Variants in GRID1 observed in about 807,000 individuals in gnomAD.
GRID1 encodes glutamate receptor ionotropic, delta-1.
Under a neutral mutation model 98.0 loss-of-function variants are expected in GRID1, and 28 were observed. The observed-to-expected ratio is 0.29, with a 90% CI of 0.21 to 0.39. The LOEUF (loss-of-function observed/expected upper bound fraction) is 0.39, where lower values mean the gene tolerates loss of function less well. Ranked by LOEUF, GRID1 falls within the 10% of genes least tolerant of loss-of-function variation. GRID1 has a pLI of 1.00. For synonymous variants in GRID1, 553 were observed against 538.5 expected (o/e 1.03, Z -0.37); for missense variants, 1,111 against 1,340.5 (o/e 0.83, Z 2.67).
At chr10:86,212,640 C>T (rs1454519965) in intron 2 of GRID1, among the ~76,000 whole-genome samples, 1 of 152,242 alleles carries the variant, frequency 6.6e-6, no homozygotes, top group East Asian at 1.9e-4. Context: ...TAATCTTAAC[C>T]TCCACGAGCA....
chr10:85,743,107 C>CCCA lies in GRID1; in HGVS notation c.1234-13494_1234-13493insTGG, dbSNP rs1490985790. On this transcript the variant is annotated intron_variant, in intron 8 of 15. Transcript: ENST00000327946. ...CCCTTGGAGGATAGAATTATGCAGC[C>CCCA]CCCCCCCCCACCACCCATTGAGAAC... is the stretch of plus-strand genomic sequence containing the variant. Among the ~76,000 whole-genome samples, 7 of 109,724 alleles carry CCCA rather than the reference C, an allele frequency of 6.4e-5. 1 individual carries two copies. The highest frequency in any genetic ancestry group is 5.4e-4 in the Admixed American group (6 of 11,078). The allele number at this position is 109,724 out of a possible 152,430, so 72.0% of individuals were successfully genotyped here.
intron 4 of GRID1, among the ~76,000 whole-genome samples, chr10:86,008,902 A>T (rs1300974531): frequency 6.6e-6 from 1 of 152,194 alleles, no homozygotes; most frequent in Non-Finnish European, 1.5e-5. Context: ...GTACAGCAGG[A>T]AGCAGCACAA....
intron 13 of GRID1, among the ~76,000 whole-genome samples, chr10:85,626,795 G>C (rs1456561242): frequency 6.6e-6 from 1 of 152,156 alleles, no homozygotes; most frequent in Non-Finnish European, 1.5e-5. Flanking sequence ...AGATTCAACA[G>C]TAAAAACCCA....
intron 5 of GRID1, among the ~76,000 whole-genome samples, chr10:85,891,680 C>A (rs1267652674): frequency 1.3e-5 from 2 of 152,092 alleles, no homozygotes; most frequent in African/African-American, 2.4e-5. Context: ...CTAAAGAGAT[C>A]TGCATAACAA....
At chr10:85,897,882 C>T (rs1192579889) in intron 5 of GRID1, among the ~76,000 whole-genome samples, 1 of 152,140 alleles carries the variant, frequency 6.6e-6, no homozygotes, top group Non-Finnish European at 1.5e-5. Flanking sequence ...CCCCAACCCC[C>T]CACTGTCACT....
At chr10:85,898,661 T>C (rs2131814060) in intron 5 of GRID1, among the ~76,000 whole-genome samples, 1 of 152,268 alleles carries the variant, frequency 6.6e-6, no homozygotes, top group Middle Eastern at 3.4e-3. Flanking sequence ...GGATCAACAA[T>C]ATCACTCTCT....
At position 85,914,300 on chromosome 10, in the gene GRID1, C is replaced by A. The variant is rs74439331; in HGVS notation, c.780+1886G>T. On this transcript the variant is annotated intron_variant, in intron 5 of 15. Transcript: ENST00000327946. Reference sequence around the variant, plus strand: ...TTTGAAGACTGGCAACAGAGAAACACTGGCTATCCAGTTTGGAGGATTCAT... The same window carrying A: ...TTTGAAGACTGGCAACAGAGAAACAATGGCTATCCAGTTTGGAGGATTCAT... Among the ~76,000 whole-genome samples, 1,333 of 152,318 alleles carry A rather than the reference C, an allele frequency of 8.8e-3. 20 individuals carry two copies. Among genetic ancestry groups the A allele is most frequent in the African/African-American group, 0.03 (1,238 of 41,560 alleles).
intron 2 of GRID1, among the ~76,000 whole-genome samples, chr10:86,310,197 C>T (rs1430625583): frequency 1.3e-5 from 2 of 152,232 alleles, no homozygotes; most frequent in African/African-American, 4.8e-5. Context: ...CTTCCTGGCC[C>T]CATCCCCAAG....
chr10:85,727,176 T>C (rs60714947), intron 10 of GRID1, among the ~76,000 whole-genome samples: 9,077 of 152,150 alleles, frequency 0.06, 513 homozygotes, highest in African/African-American at 0.15. Flanking sequence ...GGTCAAAGTA[T>C]TGGGAGTCCA....
intron 3 of GRID1, among the ~76,000 whole-genome samples, chr10:86,205,222 C>T (rs150314784): frequency 2.0e-5 from 3 of 152,350 alleles, no homozygotes; most frequent in East Asian, 1.9e-4. Context: ...TTCTTAGTTA[C>T]ATTCTTGGCA....
chr10:86,162,211 C>A (rs185954082), intron 3 of GRID1, among the ~76,000 whole-genome samples: 3 of 152,046 alleles, frequency 2.0e-5, no homozygotes, highest in Non-Finnish European at 4.4e-5. Flanking sequence ...GGGTGGTGTC[C>A]CAGGCAGCAA....
At chr10:86,221,154 G>A (rs763350930) in intron 2 of GRID1, among the ~76,000 whole-genome samples, 3 of 152,206 alleles carry the variant, frequency 2.0e-5, no homozygotes, top group Non-Finnish European at 2.9e-5. Flanking sequence ...GAGAGAAATC[G>A]GAAATCTCCT....
At chr10:86,016,036 A>T (rs2131883948) in intron 4 of GRID1, among the ~76,000 whole-genome samples, 1 of 152,028 alleles carries the variant, frequency 6.6e-6, no homozygotes, top group South Asian at 2.1e-4. Context: ...TTATGTCTGG[A>T]CTTGGGCTGG....
chr10:86,040,245 A>C (rs1007311773), intron 4 of GRID1, among the ~76,000 whole-genome samples: 4 of 152,226 alleles, frequency 2.6e-5, no homozygotes, highest in African/African-American at 9.6e-5. Flanking sequence ...ACTACAGGGT[A>C]TATATCCAAA....
chr10:85,839,690 C>G (rs573259707), intron 8 of GRID1, among the ~76,000 whole-genome samples: 2 of 152,034 alleles, frequency 1.3e-5, no homozygotes, highest in East Asian at 3.9e-4. Flanking sequence ...AAGTTAACAA[C>G]CTAACATCAC....
intron 4 of GRID1, among the ~76,000 whole-genome samples, chr10:86,135,229 G>T (rs2131969330): frequency 6.6e-6 from 1 of 152,342 alleles, no homozygotes; most frequent in Admixed American, 6.5e-5. Flanking sequence ...GCAACCTGTA[G>T]CCCAGAGAAG....
intron 2 of GRID1, among the ~76,000 whole-genome samples, chr10:86,315,301 A>G (rs1847883162): frequency 6.6e-6 from 1 of 152,144 alleles, no homozygotes; most frequent in South Asian, 2.1e-4. Flanking sequence ...AGGTTCTTGC[A>G]ATTTGTCACC....
At chr10:86,018,481 G>A (rs1017840771) in intron 4 of GRID1, among the ~76,000 whole-genome samples, 8 of 152,230 alleles carry the variant, frequency 5.3e-5, no homozygotes, top group African/African-American at 1.9e-4. Flanking sequence ...TACACATGCA[G>A]TGTTCTCACA....
intron 8 of GRID1, among the ~76,000 whole-genome samples, chr10:85,733,016 T>C (rs1841842533): frequency 6.6e-6 from 1 of 152,212 alleles, no homozygotes; most frequent in South Asian, 2.1e-4. Context: ...AAATAAGATT[T>C]CACTTTAGAA....
Sources: gnomAD v4.1 joint callset for allele counts (sites outside exome capture counted in the v4.1 genomes callset) on GRCh38, gnomAD v4.1.1 for gene constraint, MANE v1.5 for transcripts, NCBI Gene and HGNC (gene_info 2026-07-23, HGNC 2026-07-21) for gene names.